KCNN2: variants seen among roughly 807,000 people sequenced by gnomAD.
The protein encoded by KCNN2 is small conductance calcium-activated potassium channel protein 2.
A neutral mutation model predicts 55.5 loss-of-function variants in KCNN2; 24 were observed. The observed-to-expected ratio is 0.43, with a 90% CI of 0.31 to 0.61. KCNN2 has a LOEUF of 0.61. Among genes scored for constraint, KCNN2 ranks in the 20% least tolerant of loss-of-function variants. The probability of loss-of-function intolerance (pLI) is 0.08; values close to 1 mark genes in which losing one functional copy is unlikely to be tolerated. For missense variants in KCNN2, 754 were observed against 853.6 expected, an observed-to-expected ratio of 0.88 and a Z score of 1.45; for synonymous variants, 431 against 336.1, an observed-to-expected ratio of 1.28 and a Z score of -3.09.
chr5:114,214,904 G>T (rs1234116253), intron 1 of KCNN2, among the ~76,000 whole-genome samples: 1 of 152,072 alleles, frequency 6.6e-6, no homozygotes, highest in African/African-American at 2.4e-5. Flanking sequence ...TAACTTTTAG[G>T]TTATACTCAT....
At chr5:114,156,936 G>T (rs1412293701) in intron 1 of KCNN2, among the ~76,000 whole-genome samples, 1 of 151,760 alleles carries the variant, frequency 6.6e-6, no homozygotes, top group Non-Finnish European at 1.5e-5. Flanking sequence ...TTTTTTCCAG[G>T]TTGTTTAGTT....
At chr5:114,272,356 ACC>A (rs1554078494) in intron 2 of KCNN2, among the ~76,000 whole-genome samples, 2 of 15,638 alleles carry the variant, frequency 1.3e-4, no homozygotes, top group Non-Finnish European at 4.9e-4. Flanking sequence ...GTATGTACAT[ACC>A]ATATACACAC....
intron 1 of KCNN2, among the ~76,000 whole-genome samples, chr5:114,121,245 C>T (rs1751825398): frequency 6.6e-6 from 1 of 152,182 alleles, no homozygotes; most frequent in South Asian, 2.1e-4. Context: ...TGGCTGGACT[C>T]AAATGCCAGG....
At chr5:114,270,289 AC>A (rs1377819883) in intron 2 of KCNN2, among the ~76,000 whole-genome samples, 1 of 152,240 alleles carries the variant, frequency 6.6e-6, no homozygotes, top group African/African-American at 2.4e-5. Context: ...TATTGAAAAT[AC>A]GGGTAACAAT....
chr5:114,333,994 A>T (rs1756874173), intron 2 of KCNN2, among the ~76,000 whole-genome samples: 1 of 152,112 alleles, frequency 6.6e-6, no homozygotes, highest in Admixed American at 6.5e-5. Context: ...CACTCTTCCT[A>T]TCCAGTAATG....
At chr5:114,069,283 T>C (rs949166015) in intron 1 of KCNN2, among the ~76,000 whole-genome samples, 6 of 152,186 alleles carry the variant, frequency 3.9e-5, no homozygotes, top group Non-Finnish European at 8.8e-5. Context: ...CTGCCTGACT[T>C]AGTCTTGCTT....
rs988886960 is a variant in KCNN2 at position 114,150,925 on chromosome 5, G to A, written c.-270-70555G>A. On this transcript the variant is annotated intron_variant, in intron 1 of 10. Coordinates refer to the KCNN2 transcript ENST00000512097. ...AATCCCAGCTACTCAGGAGGATGAG[G>A]CAGGAGAATTGCTTGAACCCGGGAG... 3.9e-5 allele frequency among the ~76,000 whole-genome samples: 6 copies of A among 152,126 alleles called. 1 individual carries two copies. Among genetic ancestry groups the A allele is most frequent in the Admixed American group, 3.9e-4 (6 of 15,270 alleles).
chr5:114,151,535 G>A (rs940659875), intron 1 of KCNN2, among the ~76,000 whole-genome samples: 2 of 151,496 alleles, frequency 1.3e-5, no homozygotes, highest in African/African-American at 4.9e-5. Flanking sequence ...ATGAAAGAGA[G>A]AGAGATGTCC....
intron 3 of KCNN2, among the ~76,000 whole-genome samples, chr5:114,444,511 T>A: frequency 6.6e-6 from 1 of 151,896 alleles, no homozygotes; most frequent in East Asian, 1.9e-4. Flanking sequence ...AAAATTAAGA[T>A]TGGAGTGGCA....
chr5:114,127,220 G>T (rs1323032218), intron 1 of KCNN2, among the ~76,000 whole-genome samples: 2 of 152,154 alleles, frequency 1.3e-5, no homozygotes, highest in Non-Finnish European at 2.9e-5. Context: ...GGAACTCTGT[G>T]TAGGGGCTGG....
intron 2 of KCNN2, among the ~76,000 whole-genome samples, chr5:114,313,940 G>GT (rs890867721): frequency 1.3e-5 from 2 of 152,002 alleles, no homozygotes; most frequent in Non-Finnish European, 2.9e-5. Context: ...GTTAAACAGT[G>GT]TTTTTTTGTT....
At position 114,278,704 on chromosome 5, in the gene KCNN2, C is replaced by T. The variant is rs192285926; in HGVS notation, c.-185+57139C>T. 2.3e-4 allele frequency among the ~76,000 whole-genome samples: 35 copies of T among 152,294 alleles called. 1 individual carries two copies. In the Middle Eastern group the frequency reaches 0.01, roughly 44 times the overall value. The stretch of plus-strand genomic sequence containing the variant: ...CACAGGAGGGAATCTCCTGGTCTGC[C>T]GGTTGCGAAGACCATGGGGAAAGTG... On this transcript the variant is annotated intron_variant, in intron 2 of 10. Transcript: ENST00000512097.
chr5:114,276,524 G>A lies in KCNN2; in HGVS notation c.-185+54959G>A, dbSNP rs939004532. Among the ~76,000 whole-genome samples, 4 of 152,206 alleles carry A rather than the reference G, an allele frequency of 2.6e-5. No homozygotes were observed. In the East Asian group the frequency reaches 7.7e-4, roughly 29 times the overall value. On this transcript the variant is annotated intron_variant, in intron 2 of 10. Transcript: ENST00000512097. Reference sequence around the variant, plus strand: ...GAATCTGGGTGCTCCTGTATTGGGTGCATATATATTTAGGATAGTTAGCTC... The same window carrying A: ...GAATCTGGGTGCTCCTGTATTGGGTACATATATATTTAGGATAGTTAGCTC...
intron 2 of KCNN2, among the ~76,000 whole-genome samples, chr5:114,280,071 T>C (rs1755590511): frequency 6.6e-6 from 1 of 152,230 alleles, no homozygotes; most frequent in Admixed American, 6.5e-5. Context: ...CATTTTTTCA[T>C]GTGTCTTTTG....
intron 1 of KCNN2, among the ~76,000 whole-genome samples, chr5:114,091,873 G>T (rs1751150452): frequency 6.6e-6 from 1 of 152,112 alleles, no homozygotes; most frequent in African/African-American, 2.4e-5. Context: ...CTCTCCCTTG[G>T]CACATGGGGA....
chr5:114,410,029 G>A (rs1759081768), intron 3 of KCNN2, among the ~76,000 whole-genome samples: 1 of 152,162 alleles, frequency 6.6e-6, no homozygotes, highest in Admixed American at 6.6e-5. Flanking sequence ...TTGTGTTAAG[G>A]TAGGCATCAG....
At chr5:114,134,036 C>G (rs912300343) in intron 1 of KCNN2, among the ~76,000 whole-genome samples, 1 of 152,166 alleles carries the variant, frequency 6.6e-6, no homozygotes, top group Non-Finnish European at 1.5e-5. Context: ...ATCAGGAGGT[C>G]TCTTCTCCCA....
At chr5:114,078,320 A>C (rs947543415) in intron 1 of KCNN2, among the ~76,000 whole-genome samples, 3 of 152,206 alleles carry the variant, frequency 2.0e-5, no homozygotes, top group African/African-American at 4.8e-5. Flanking sequence ...TGAGAATGAG[A>C]GGCTGTCTCA....
intron 1 of KCNN2, among the ~76,000 whole-genome samples, chr5:114,173,509 T>G (rs1753081395): frequency 6.6e-6 from 1 of 151,332 alleles, no homozygotes; most frequent in Admixed American, 6.6e-5. Context: ...GTAGAATTGT[T>G]TTTTCTATTC....
Sources: gnomAD v4.1 joint callset for allele counts (sites outside exome capture counted in the v4.1 genomes callset) on GRCh38, gnomAD v4.1.1 for gene constraint, MANE v1.5 for transcripts, NCBI Gene and HGNC (gene_info 2026-07-23, HGNC 2026-07-21) for gene names.